The following OTOG variants were observed in gnomAD, a reference collection of about 807,000 sequenced individuals.
OTOG encodes otogelin.
A neutral mutation model predicts 313.8 loss-of-function variants in OTOG; 296 were observed. That is an observed-to-expected ratio of 0.94 (90% confidence interval 0.86 to 1.04). OTOG has a LOEUF of 1.04. Ranked by LOEUF, OTOG falls within the 50% of genes least tolerant of loss-of-function variation. The pLI, the probability that OTOG is intolerant of heterozygous loss-of-function variation, is 0.00. For missense variants in OTOG, 3,948 were observed against 3,840.1 expected (o/e 1.03, Z -0.74); for synonymous variants, 1,533 against 1,554.9 (o/e 0.99, Z 0.33).
At chr11:17,555,999 T>C (rs1852051198) in intron 7 of OTOG, 102 bp downstream of exon 7, 1 of 943,880 alleles carries the variant, frequency 1.1e-6, no homozygotes, top group Admixed American at 2.2e-5. Context: ...AATTGTTTTC[T>C]GGGGACAAAC....
intron 23 of OTOG, among the ~76,000 whole-genome samples, chr11:17,583,856 T>C (rs953206654): frequency 6.6e-6 from 1 of 152,198 alleles, no homozygotes; most frequent in Non-Finnish European, 1.5e-5. Flanking sequence ...AAAAAGCCCC[T>C]GAGATTTTGA....
chr11:17,574,315 A>AGTGTGTGTGT (rs60387184), intron 19 of OTOG, among the ~76,000 whole-genome samples: 1 of 150,814 alleles, frequency 6.6e-6, no homozygotes, highest in African/African-American at 2.4e-5. Context: ...AGGGGGTAGG[A>AGTGTGTGTGT]GTGTGTGTGT....
chr11:17,624,056 T>A (rs1304984379), intron 39 of OTOG, among the ~76,000 whole-genome samples: 3 of 152,194 alleles, frequency 2.0e-5, no homozygotes, highest in Non-Finnish European at 2.9e-5. Flanking sequence ...GGATGTAAGA[T>A]CTTTGTCAGA....
intron 19 of OTOG, 68 bp from the exon 20 acceptor site, chr11:17,574,652 A>G (rs1852477602): frequency 7.1e-7 from 1 of 1,407,294 alleles, no homozygotes; most frequent in Non-Finnish European, 9.6e-7. Flanking sequence ...CATCAGAATG[A>G]CAGCCCCACT....
chr11:17,578,609 A>G lies in OTOG; in HGVS notation c.2759+83A>G, dbSNP rs930543071. Reference sequence around the variant, plus strand: ...ACAGGGTGGAGTGGGGGCAGGGAAAACATCACATGGCCTTGTAGGAAGGCA... The same window carrying G: ...ACAGGGTGGAGTGGGGGCAGGGAAAGCATCACATGGCCTTGTAGGAAGGCA... On this transcript the variant is annotated intron_variant, in intron 23 of 55. Coordinates refer to ENST00000399397, the MANE Select transcript of OTOG (RefSeq NM_001292063.2). The G allele has an allele frequency of 2.8e-6, 4 of 1,433,748 alleles. No homozygotes were observed. The African/African-American group carries it at 5.7e-5, about 20-fold the overall frequency. 88.8% of individuals were successfully genotyped at this position (1,433,748 alleles called of 1,614,324 possible). A position where few individuals can be genotyped will look rare whatever the true frequency, so the allele number is the denominator to read the frequency against.
Position 17,612,217 on chromosome 11 carries a change from G to T in OTOG, c.6179G>T (p.Arg2060Leu), listed in dbSNP as rs188527711. Residue 2060 changes from arginine to leucine, a missense_variant, in exon 37 of 56, where the codon CGC becomes CTC. Coordinates refer to ENST00000399397, the MANE Select transcript of OTOG (RefSeq NM_001292063.2). Reference sequence around the variant, plus strand: ...ATCTGCCTGGAGGGCCAGCTGATTCGCGTGAATCAGTCCCAGCACTGTCCC... The same window carrying T: ...ATCTGCCTGGAGGGCCAGCTGATTCTCGTGAATCAGTCCCAGCACTGTCCC... Reference protein sequence around the residue: ...RHICLEGQLIRVNQSQHCPQG... With the variant: ...RHICLEGQLILVNQSQHCPQG... 8.2e-4 allele frequency: 1,268 copies of T among 1,549,256 alleles called. 2 individuals are homozygous for T. The highest frequency in any genetic ancestry group is 1.0e-3 in the Non-Finnish European group (1,161 of 1,146,982).
At chr11:17,568,074 A>AT (rs1280333259) in intron 15 of OTOG, among the ~76,000 whole-genome samples, 4 of 150,206 alleles carry the variant, frequency 2.7e-5, no homozygotes, top group Admixed American at 6.6e-5. Flanking sequence ...TGCCTGGCTA[A>AT]TTTTTTGTAT....
rs557886208 is a variant in OTOG, at chr11:17,570,183, C to T, written c.1778-30C>T. The T allele has an allele frequency of 1.6e-5, 24 of 1,543,038 alleles. No individual in the cohort carries two copies. The African/African-American group carries it at 3.2e-4, about 20-fold the overall frequency. On this transcript the variant is annotated intron_variant, in intron 16 of 55. Coordinates refer to ENST00000399397, the MANE Select transcript of OTOG (RefSeq NM_001292063.2). ...GGCGGGGTGTGTACTGGCTGCCCTC[C>T]CACTCTCTCCTTTTGGATTCTGTGC...
intron 47 of OTOG, among the ~76,000 whole-genome samples, chr11:17,637,932 C>G (rs1371210675): frequency 1.3e-5 from 2 of 152,192 alleles, no homozygotes; most frequent in African/African-American, 4.8e-5. Flanking sequence ...TTCCCTCACC[C>G]CTTGCCTTGT....
At chr11:17,572,229 G>A (rs2134025804) in intron 18 of OTOG, 25 bp downstream of exon 18, 2 of 1,549,914 alleles carry the variant, frequency 1.3e-6, no homozygotes, top group Non-Finnish European at 1.7e-6. Flanking sequence ...GAAGAGGAGA[G>A]GCATGGTTGA....
intron 23 of OTOG, among the ~76,000 whole-genome samples, chr11:17,580,989 A>G (rs1188494002): frequency 6.6e-6 from 1 of 152,220 alleles, no homozygotes; most frequent in African/African-American, 2.4e-5. Context: ...CAAAGAGAGA[A>G]GAGTGGAAGA....
At position 17,586,487 on chromosome 11, in the gene OTOG, G is replaced by T; in HGVS notation, c.2773G>T (p.Gly925Trp). The T allele has an allele frequency of 3.5e-6, 5 of 1,431,288 alleles. No homozygotes were observed. The highest frequency in any genetic ancestry group is 4.6e-6 in the Non-Finnish European group (5 of 1,087,466). The allele number at this position is 1,431,288 out of a possible 1,614,324, so 88.7% of individuals were successfully genotyped here. Residue 925 changes from glycine (G) to tryptophan (W), a missense_variant, in exon 24 of 56, where the codon GGG (glycine) becomes TGG (tryptophan). Transcript: ENST00000399397. ...GTGTCTCTACAGTCTGCTCAGACAC[G>T]GGGATGCATGTTTCCTGCCAGAGGA... ...CACPQGLLRHGDACFLPEECP... is the reference protein window; with the variant it reads ...CACPQGLLRHWDACFLPEECP...
At position 17,627,733 on chromosome 11, in the gene OTOG, C is replaced by G. The variant is rs116002027; in HGVS notation, c.6529-1400C>G. On this transcript the variant is annotated intron_variant, in intron 39 of 55. Coordinates refer to ENST00000399397, the MANE Select transcript of OTOG (RefSeq NM_001292063.2). ...TCCCAGGCTTTTCCTTACTGGGAGA[C>G]TTTTTATTACAGCTTCTTCTCATTA... Among the ~76,000 whole-genome samples, 1,204 of 152,200 alleles carry G rather than the reference C, an allele frequency of 7.9e-3. 14 individuals carry two copies. Among genetic ancestry groups the G allele is most frequent in the African/African-American group, 0.028 (1,155 of 41,528 alleles).
chr11:17,613,195 TTTTCTTTCTTTCTTTCTTTCTTTC>T (rs1191747829), intron 38 of OTOG, among the ~76,000 whole-genome samples: 8 of 65,328 alleles, frequency 1.2e-4, no homozygotes, highest in Admixed American at 3.0e-4. Flanking sequence ...TCTTTCTTTC[TTTTCTTTCTTTCTTTCTTTCTTTC>T]TTTCTTTCTT....
chr11:17,581,381 C>G (rs1852661919), intron 23 of OTOG, among the ~76,000 whole-genome samples: 1 of 152,070 alleles, frequency 6.6e-6, no homozygotes, highest in African/African-American at 2.4e-5. Flanking sequence ...TGAGATGCAT[C>G]GTGGAAACAG....
Position 17,645,586 on chromosome 11 carries a change from C to A in OTOG, c.8484C>A (p.Cys2828Ter). The part of the protein sequence containing the change: ...CRTCKEDGRS[C>*]KKVTIRMTIR... ...CAGGTAAGGAGGATGGGCGCTCCTG[C>A]AAGAAGGTGACCATCCGCATGACCA... The change falls in exon 55 of 56, where the codon TGC becomes TGA. Residue 2828 changes from cysteine (C) to a stop codon, truncating the protein, a stop_gained. Transcript: ENST00000399397. LOFTEE classifies it high-confidence loss of function. 6.4e-7 allele frequency: 1 copy of A among 1,550,660 alleles called. No individual in the cohort carries two copies. The highest frequency in any genetic ancestry group is 8.7e-7 in the Non-Finnish European group (1 of 1,147,006).
At chr11:17,562,362 A>G (rs904916075) in intron 15 of OTOG, among the ~76,000 whole-genome samples, 6 of 151,942 alleles carry the variant, frequency 3.9e-5, no homozygotes, top group Non-Finnish European at 8.8e-5. Context: ...CAAACATTTT[A>G]TATTCCACAA....
At chr11:17,634,512 T>G (rs986581656) in intron 44 of OTOG, among the ~76,000 whole-genome samples, 2 of 151,976 alleles carry the variant, frequency 1.3e-5, no homozygotes, top group African/African-American at 2.4e-5. Flanking sequence ...CTCCCCCACC[T>G]GTAGCCTTGT....
chr11:17,596,150 C>T lies in OTOG; in HGVS notation c.3521C>T (p.Pro1174Leu), dbSNP rs775584403. Residue 1174 changes from proline (P) to leucine (L), a missense_variant, in exon 29 of 56, where the codon CCT becomes CTT. Coordinates refer to ENST00000399397, the MANE Select transcript of OTOG (RefSeq NM_001292063.2). ...LLSEVFEICHPVVDVTWFYSN... is the reference protein window; with the variant it reads ...LLSEVFEICHLVVDVTWFYSN... The stretch of plus-strand genomic sequence containing the variant: ...AGTGAGGTGTTTGAGATCTGCCACC[C>T]TGTGGTGAGTGTACCCCAGCCTCGG... 299 of 1,548,632 alleles carry T rather than the reference C, an allele frequency of 1.9e-4. No homozygotes were observed. The highest frequency in any genetic ancestry group is 2.5e-4 in the Non-Finnish European group (287 of 1,145,306).
Sources: allele counts gnomAD v4.1 joint callset (sites outside exome capture counted in the v4.1 genomes callset), GRCh38; gene constraint gnomAD v4.1.1; transcripts MANE v1.5; gene names NCBI Gene and HGNC (gene_info 2026-07-23, HGNC 2026-07-21).